The following TET2 variants were observed in gnomAD, a reference collection of about 807,000 sequenced individuals.
TET2 encodes the protein tet methylcytosine dioxygenase 2.
TET2 carries 299 observed loss-of-function variants against 142.9 expected under a neutral mutation model. The ratio of observed to expected loss-of-function variants is 2.09; its 90% CI spans 1.90 to 2.30. The LOEUF (loss-of-function observed/expected upper bound fraction) is 2.30, where lower values mean the gene tolerates loss of function less well. Ranked by LOEUF, TET2 falls within the 30% of genes most tolerant of loss-of-function variation. The pLI is 0.00. For synonymous variants in TET2, 819 were observed against 849.0 expected (o/e 0.96, Z 0.61); for missense variants, 2,418 against 2,378.0 (o/e 1.02, Z -0.35).
Position 105,279,667 on chromosome 4 carries a change from T to C in TET2, c.*3148T>C. On this transcript the variant is annotated 3_prime_UTR_variant, in exon 11 of 11. Transcript: ENST00000380013. ...CATGAGATGTTTGGTTTATAAGATCTGAGGATGGTTATAAATACTGTAAGT... is the reference window on the plus strand; with the variant it reads ...CATGAGATGTTTGGTTTATAAGATCCGAGGATGGTTATAAATACTGTAAGT... The C allele has an allele frequency of 4.3e-6, 1 of 230,922 alleles. No homozygotes were observed. Among genetic ancestry groups the C allele is most frequent in the Non-Finnish European group, 8.6e-6 (1 of 116,622 alleles). The allele number at this position is 230,922 out of a possible 1,614,324, so 14.3% of individuals were successfully genotyped here. A position where few individuals can be genotyped will look rare whatever the true frequency, so the allele number is the denominator to read the frequency against.
intron 1 of TET2, among the ~76,000 whole-genome samples, chr4:105,162,158 C>A (rs984895850): frequency 6.6e-6 from 1 of 152,134 alleles, no homozygotes; most frequent in African/African-American, 2.4e-5. Context: ...AACACACACA[C>A]AAAACAAACA....
intron 9 of TET2, 62 bp from the exon 10 acceptor site, chr4:105,272,496 TACACAC>T (rs149641287): frequency 8.9e-6 from 9 of 1,014,962 alleles, no homozygotes; most frequent in African/African-American, 1.6e-5. Flanking sequence ...AGGAGAAAGA[TACACAC>T]ACACACACAC....
chr4:105,166,376 A>AT lies in TET2; in HGVS notation c.-193+19404dup, dbSNP rs573907634. Among the ~76,000 whole-genome samples, 100 of 152,042 alleles carry AT rather than the reference A, an allele frequency of 6.6e-4. 1 individual carries two copies. The South Asian group carries it at 0.019, about 28-fold the overall frequency. ...AATTTTTCTTGAAAATTTTAATTGC[A>AT]TTTTTTTATTCTTGTTGACAGAAGA... On this transcript the variant is annotated intron_variant, in intron 1 of 10. Transcript: ENST00000380013.
chr4:105,148,290 CTTCTTCATCTAATGTTTAAG>C (rs1723136384), intron 1 of TET2, among the ~76,000 whole-genome samples: 1 of 152,158 alleles, frequency 6.6e-6, no homozygotes, highest in Non-Finnish European at 1.5e-5. Flanking sequence ...GGAGTTCTCC[CTTCTTCATCTAATGTTTAAG>C]AATTGAGAAA....
intron 8 of TET2, among the ~76,000 whole-genome samples, chr4:105,266,689 A>G (rs560621946): frequency 2.6e-5 from 4 of 152,106 alleles, no homozygotes; most frequent in Non-Finnish European, 5.9e-5. Context: ...ACTTGAAGAC[A>G]TAGTAATAGA....
intron 4 of TET2, chr4:105,242,057 G>C: frequency 8.1e-7 from 1 of 1,229,264 alleles, no homozygotes. Flanking sequence ...AATTTATACA[G>C]CTCTGAGCTG....
chr4:105,258,771 A>G (rs1009950848), intron 6 of TET2, among the ~76,000 whole-genome samples: 1 of 152,138 alleles, frequency 6.6e-6, no homozygotes, highest in African/African-American at 2.4e-5. Flanking sequence ...GTGCTACCTG[A>G]ATATTTTTTC....
At chr4:105,173,374 A>AC (rs1472431738) in intron 1 of TET2, among the ~76,000 whole-genome samples, 19 of 151,324 alleles carry the variant, frequency 1.3e-4, no homozygotes, top group East Asian at 5.8e-4. Flanking sequence ...AAAAAAAAAA[A>AC]AAAACAAAAC....
At chr4:105,261,924 G>A (rs1023879869) in intron 8 of TET2, 76 bp downstream of exon 8, 6 of 859,782 alleles carry the variant, frequency 7.0e-6, no homozygotes, top group African/African-American at 1.7e-5. Flanking sequence ...AAATATTTTT[G>A]AAACAATGAT....
At chr4:105,192,911 A>C (rs1725867857) in intron 2 of TET2, among the ~76,000 whole-genome samples, 1 of 152,216 alleles carries the variant, frequency 6.6e-6, no homozygotes, top group Non-Finnish European at 1.5e-5. Flanking sequence ...AAATCTGATA[A>C]AGATATAAAA....
intron 1 of TET2, among the ~76,000 whole-genome samples, chr4:105,163,837 G>C (rs1490345922): frequency 1.4e-5 from 2 of 141,440 alleles, no homozygotes; most frequent in Admixed American, 6.9e-5. Flanking sequence ...GAGAGAGAGA[G>C]AGAGAGAGAG....
rs1041162834 is a variant in TET2 at position 105,277,055 on chromosome 4, A to G, written c.*536A>G. The G allele has an allele frequency of 8.6e-6, 2 of 232,548 alleles. No individual in the cohort carries two copies. Among genetic ancestry groups the G allele is most frequent in the Non-Finnish European group, 1.7e-5 (2 of 117,786 alleles). 14.4% of individuals were successfully genotyped at this position (232,548 alleles called of 1,614,324 possible). On this transcript the variant is annotated 3_prime_UTR_variant, in exon 11 of 11. Coordinates refer to ENST00000380013, the MANE Select transcript of TET2 (RefSeq NM_001127208.3). ...GTAATCTTAACTTTTATTTATCAAA[A>G]TAGCTACAGGAAACATGAATAGCAG...
chr4:105,235,955 T>C lies in TET2; in HGVS notation c.2013T>C (p.Ala671=), dbSNP rs952141389. 2 of 1,614,114 alleles carry C rather than the reference T, an allele frequency of 1.2e-6. No homozygotes were observed. The highest frequency in any genetic ancestry group is 1.7e-6 in the Non-Finnish European group (2 of 1,180,012). The change falls in exon 3 of 11, where the codon GCT becomes GCC. Residue 671 remains alanine, a synonymous_variant. Transcript: ENST00000380013. ...CCAAAACAGACCATTTACCAAAAGC[T>C]CATGTGCAGTCACTGTGTGGCACTA... The part of the protein sequence containing the change: ...HFSKTDHLPK[A]HVQSLCGTRF...
chr4:105,225,982 C>CA (rs1363422702), intron 2 of TET2, among the ~76,000 whole-genome samples: 2 of 152,026 alleles, frequency 1.3e-5, no homozygotes, highest in Non-Finnish European at 2.9e-5. Context: ...TATTCTATCC[C>CA]AAACCACATA....
At chr4:105,228,794 C>G (rs1005361924) in intron 2 of TET2, among the ~76,000 whole-genome samples, 4 of 152,054 alleles carry the variant, frequency 2.6e-5, no homozygotes, top group African/African-American at 9.7e-5. Flanking sequence ...GTCTATGCTC[C>G]TTAATTTTTG....
chr4:105,177,062 A>G (rs912212078), intron 1 of TET2, among the ~76,000 whole-genome samples: 2 of 152,220 alleles, frequency 1.3e-5, no homozygotes, highest in Non-Finnish European at 2.9e-5. Flanking sequence ...ACATTAACAT[A>G]CAACAACAAA....
intron 2 of TET2, among the ~76,000 whole-genome samples, chr4:105,224,126 T>C (rs1224844174): frequency 2.0e-5 from 3 of 151,938 alleles, no homozygotes; most frequent in African/African-American, 7.3e-5. Flanking sequence ...TGTGTATTTT[T>C]TCTTAGAGCA....
At chr4:105,203,419 C>T (rs916221640) in intron 2 of TET2, among the ~76,000 whole-genome samples, 1 of 152,194 alleles carries the variant, frequency 6.6e-6, no homozygotes, top group Non-Finnish European at 1.5e-5. Flanking sequence ...CTAAACAGTA[C>T]TGTAATCACT....
chr4:105,156,075 C>T (rs1361547400), intron 1 of TET2, among the ~76,000 whole-genome samples: 1 of 152,124 alleles, frequency 6.6e-6, no homozygotes, highest in Non-Finnish European at 1.5e-5. Context: ...CCTCAGCTGA[C>T]TATAAATTTT....
Sources: gnomAD v4.1 joint callset for allele counts (sites outside exome capture counted in the v4.1 genomes callset) on GRCh38, gnomAD v4.1.1 for gene constraint, MANE v1.5 for transcripts, NCBI Gene and HGNC (gene_info 2026-07-23, HGNC 2026-07-21) for gene names.